Variants in CHD1L observed in about 807,000 individuals in gnomAD.
CHD1L encodes ATP-dependent chromatin remodeler CHD1L.
In CHD1L, 118 loss-of-function variants were observed where a neutral mutation model predicts 115.9. That is an observed-to-expected ratio of 1.02 (90% CI 0.88 to 1.19). The LOEUF is 1.19. Among genes scored for constraint, CHD1L ranks in the 50% most tolerant of loss-of-function variants. CHD1L has a pLI of 0.00. For missense variants in CHD1L, 1,179 were observed against 1,065.3 expected, an observed-to-expected ratio of 1.11 and a Z score of -1.49; for synonymous variants, 411 against 387.1, an observed-to-expected ratio of 1.06 and a Z score of -0.72.
At chr1:147,276,822 T>C (rs1475176833) in intron 14 of CHD1L, among the ~76,000 whole-genome samples, 3 of 152,306 alleles carry the variant, frequency 2.0e-5, no homozygotes, top group South Asian at 4.1e-4. Context: ...GTAGCAGCCC[T>C]TGGGTTAAAA....
At chr1:147,194,476 G>A in the CHD1L span, among the ~76,000 whole-genome samples, 2 of 152,144 alleles carry the variant, frequency 1.3e-5, no homozygotes, top group Admixed American at 6.5e-5. Context: ...GCCAGTCTGT[G>A]TATTTTAATT....
chr1:147,278,614 T>C (rs587674826), intron 14 of CHD1L, among the ~76,000 whole-genome samples: 2 of 151,894 alleles, frequency 1.3e-5, no homozygotes, highest in Non-Finnish European at 2.9e-5. Flanking sequence ...AGTTCTGAAG[T>C]CCTGAAAGAA....
the CHD1L span, among the ~76,000 whole-genome samples, chr1:147,219,910 C>T: frequency 6.7e-6 from 1 of 148,442 alleles, no homozygotes; most frequent in African/African-American, 2.5e-5. Flanking sequence ...ACAATCTCGG[C>T]TCACCACAAC....
chr1:147,291,058 C>G (rs192218370), intron 19 of CHD1L, among the ~76,000 whole-genome samples: 1 of 152,310 alleles, frequency 6.6e-6, no homozygotes, highest in East Asian at 1.9e-4. Context: ...TCTTCACTAT[C>G]AGTTTTACTT....
intron 19 of CHD1L, among the ~76,000 whole-genome samples, chr1:147,291,273 A>T (rs1391964427): frequency 6.6e-6 from 1 of 152,112 alleles, no homozygotes; most frequent in Non-Finnish European, 1.5e-5. Context: ...ATGTTTGAGG[A>T]GCATTAAATT....
At chr1:147,257,429 T>C (rs1670497405) in intron 5 of CHD1L, among the ~76,000 whole-genome samples, 1 of 152,174 alleles carries the variant, frequency 6.6e-6, no homozygotes, top group African/African-American at 2.4e-5. Flanking sequence ...TTATTTTTCT[T>C]AAGATATACA....
chr1:147,239,456 A>G (rs767763151), upstream of CHD1L, among the ~76,000 whole-genome samples: 188 of 152,100 alleles, frequency 1.2e-3, no homozygotes, highest in Non-Finnish European at 2.0e-3. Context: ...CAGATGCTCA[A>G]TCAGTGAATC....
the CHD1L span, among the ~76,000 whole-genome samples, chr1:147,200,035 A>G: frequency 6.6e-6 from 1 of 151,798 alleles, no homozygotes; most frequent in Non-Finnish European, 1.5e-5. Flanking sequence ...GCTTGAATCT[A>G]CTCCATACCT....
At position 147,286,194 on chromosome 1, in the gene CHD1L, A is replaced by G. The variant is rs1572134639; in HGVS notation, c.2019-104A>G. 15 of 1,128,818 alleles carry G rather than the reference A, an allele frequency of 1.3e-5. No homozygotes were observed. In the East Asian group the frequency reaches 3.8e-4, roughly 29 times the overall value. 69.9% of individuals were successfully genotyped at this position (1,128,818 alleles called of 1,614,324 possible). ...TCAATCAGGGTGAGTTTCTAATTGCATTTCTACTTGGCAGATATTGTTTGT... is the reference window on the plus strand; with the variant it reads ...TCAATCAGGGTGAGTTTCTAATTGCGTTTCTACTTGGCAGATATTGTTTGT... On this transcript the variant is annotated intron_variant, in intron 17 of 22. Transcript: ENST00000369258.
chr1:147,180,583 G>A, the CHD1L span, among the ~76,000 whole-genome samples: 7 of 152,288 alleles, frequency 4.6e-5, no homozygotes, highest in South Asian at 2.1e-4. Context: ...GAGCCACTGC[G>A]TCCGGCCTGA....
At chr1:147,279,080 A>G (rs904578339) in intron 14 of CHD1L, among the ~76,000 whole-genome samples, 18 of 152,198 alleles carry the variant, frequency 1.2e-4, no homozygotes, top group African/African-American at 4.3e-4. Flanking sequence ...AAAGCCAGTC[A>G]TCCTGGTTAT....
chr1:147,178,383 C>T, the CHD1L span: 4 of 1,611,660 alleles, frequency 2.5e-6, no homozygotes, highest in Non-Finnish European at 3.4e-6. Context: ...CCAACACTAA[C>T]ACCTGTAATA....
intron 18 of CHD1L, 28 bp downstream of exon 18, chr1:147,286,528 G>T: frequency 6.2e-7 from 1 of 1,602,504 alleles, no homozygotes; most frequent in Non-Finnish European, 8.5e-7. Flanking sequence ...GGCTGGGGAT[G>T]GGGGCCTCAG....
At chr1:147,224,623 C>G in the CHD1L span, among the ~76,000 whole-genome samples, 1 of 152,098 alleles carries the variant, frequency 6.6e-6, no homozygotes, top group Non-Finnish European at 1.5e-5. Context: ...CATCCTCCTG[C>G]CTTAGCCTCC....
At chr1:147,243,075 C>T (rs1665313970) in intron 1 of CHD1L, 5 of 342,342 alleles carry the variant, frequency 1.5e-5, no homozygotes, top group Non-Finnish European at 2.6e-5. Context: ...GGTAGCCAGG[C>T]CTGGCCCCTG....
chr1:147,276,294 A>G, intron 14 of CHD1L, 37 bp downstream of exon 14: 1 of 1,603,956 alleles, frequency 6.2e-7, no homozygotes, highest in Non-Finnish European at 8.5e-7. Flanking sequence ...TTTGGAATAT[A>G]CCAATACCCT....
chr1:147,178,165 GCGGCCCGCCT>G, the CHD1L span: 6 of 1,610,034 alleles, frequency 3.7e-6, no homozygotes, highest in Admixed American at 1.0e-4. Context: ...GCTTCTCGCC[GCGGCCCGCCT>G]CGCGGCTGCC....
the CHD1L span, among the ~76,000 whole-genome samples, chr1:147,214,076 A>T: frequency 1.3e-5 from 2 of 152,230 alleles, no homozygotes; most frequent in East Asian, 3.8e-4. Context: ...AAAAATAATA[A>T]ATATGGGTTA....
chr1:147,177,768 C>T, the CHD1L span, among the ~76,000 whole-genome samples: 2 of 152,156 alleles, frequency 1.3e-5, no homozygotes, highest in African/African-American at 4.8e-5. Context: ...AAGAAACTGT[C>T]ACAGTCTAGA....
Sources: gnomAD v4.1 joint callset for allele counts (sites outside exome capture counted in the v4.1 genomes callset) on GRCh38, gnomAD v4.1.1 for gene constraint, MANE v1.5 for transcripts, NCBI Gene and HGNC (gene_info 2026-07-23, HGNC 2026-07-21) for gene names.